Variants in CREB3L1 observed in about 807,000 individuals in gnomAD.
CREB3L1 encodes cyclic AMP-responsive element-binding protein 3-like protein 1.
A neutral mutation model predicts 54.5 loss-of-function variants in CREB3L1; 33 were observed. That is an observed-to-expected ratio of 0.61 (90% confidence interval 0.46 to 0.81). The LOEUF (loss-of-function observed/expected upper bound fraction) is 0.81. Among genes scored for constraint, CREB3L1 ranks in the 30% least tolerant of loss-of-function variants. CREB3L1 has a pLI of 0.00. For synonymous variants in CREB3L1, 284 were observed against 286.4 expected, an observed-to-expected ratio of 0.99 and a Z score of 0.08; for missense variants, 656 against 673.3, an observed-to-expected ratio of 0.97 and a Z score of 0.29.
chr11:46,279,171 G>A (rs12280680), intron 1 of CREB3L1, among the ~76,000 whole-genome samples: 76,057 of 151,934 alleles, frequency 0.5, 19,613 homozygotes, highest in Middle Eastern at 0.6. Flanking sequence ...CTGTTCACAC[G>A]CCACACACAC....
chr11:46,299,860 C>A, intron 1 of CREB3L1, 75 bp from the exon 2 acceptor site: 1 of 1,067,016 alleles, frequency 9.4e-7, no homozygotes, highest in Non-Finnish European at 1.4e-6. Flanking sequence ...GGGTGCTGCA[C>A]CACCACAGTA....
chr11:46,320,764 G>A lies in CREB3L1; in HGVS notation c.*18G>A, dbSNP rs1182376027. On this transcript the variant is annotated 3_prime_UTR_variant, in exon 12 of 12. Coordinates refer to ENST00000621158, the MANE Select transcript of CREB3L1 (RefSeq NM_052854.4). ...TCTCCTAGGCCATGCCAAGACCCAG[G>A]ACATAGGACGGACCCCTGGTACCCA... 6.2e-7 allele frequency: 1 copy of A among 1,610,710 alleles called. No individual in the cohort carries two copies. Among genetic ancestry groups the A allele is most frequent in the Non-Finnish European group, 8.5e-7 (1 of 1,178,706 alleles).
chr11:46,302,985 A>G (rs1939326274), intron 2 of CREB3L1, among the ~76,000 whole-genome samples: 1 of 152,216 alleles, frequency 6.6e-6, no homozygotes, highest in Non-Finnish European at 1.5e-5. Context: ...TGTCTCAAAA[A>G]AAAATAAAAA....
rs766243542 is a variant in CREB3L1, at chr11:46,316,403, C to A, written c.1131+18C>A. On this transcript the variant is annotated intron_variant, in intron 9 of 11. Coordinates refer to ENST00000621158, the MANE Select transcript of CREB3L1 (RefSeq NM_052854.4). The stretch of plus-strand genomic sequence containing the variant: ...GCCTCATGGTAGGTGTGGCTCCCTC[C>A]ACCACAGACCCACAGGAGGAGAGTT... The A allele has an allele frequency of 4.1e-6, 6 of 1,457,170 alleles. No individual in the cohort carries two copies. The highest frequency in any genetic ancestry group is 4.7e-6 in the Non-Finnish European group (5 of 1,060,110). 90.3% of individuals were successfully genotyped at this position (1,457,170 alleles called of 1,614,324 possible). A position where few individuals can be genotyped will look rare whatever the true frequency, so the allele number is the denominator to read the frequency against.
chr11:46,317,155 G>C (rs1939579056), intron 9 of CREB3L1, among the ~76,000 whole-genome samples: 1 of 152,196 alleles, frequency 6.6e-6, no homozygotes, highest in Non-Finnish European at 1.5e-5. Flanking sequence ...CCCTACAATG[G>C]GCTGGGATGG....
chr11:46,293,436 G>C (rs1939159287), intron 1 of CREB3L1, among the ~76,000 whole-genome samples: 1 of 152,236 alleles, frequency 6.6e-6, no homozygotes. Context: ...AAATGAGGAA[G>C]CTATGGCCTG....
At chr11:46,294,765 G>T (rs970458844) in intron 1 of CREB3L1, among the ~76,000 whole-genome samples, 1 of 152,090 alleles carries the variant, frequency 6.6e-6, no homozygotes, top group African/African-American at 2.4e-5. Context: ...TCAGACTGAA[G>T]GCCCTTCAGC....
chr11:46,314,937 A>C (rs1220770529), intron 8 of CREB3L1, among the ~76,000 whole-genome samples: 1 of 151,848 alleles, frequency 6.6e-6, no homozygotes, highest in Non-Finnish European at 1.5e-5. Context: ...TGAACTCTTG[A>C]CTTCATGTAA....
intron 1 of CREB3L1, among the ~76,000 whole-genome samples, chr11:46,285,458 TG>T (rs1939041939): frequency 6.6e-6 from 1 of 152,170 alleles, no homozygotes; most frequent in Non-Finnish European, 1.5e-5. Context: ...TGGGATTGTC[TG>T]GTTCAGGAGA....
At chr11:46,313,919 C>T (rs1049826365) in intron 8 of CREB3L1, among the ~76,000 whole-genome samples, 14 of 152,096 alleles carry the variant, frequency 9.2e-5, no homozygotes, top group Admixed American at 4.6e-4. Flanking sequence ...CCTGTTTCTT[C>T]GTCTAAATGG....
intron 1 of CREB3L1, among the ~76,000 whole-genome samples, chr11:46,294,283 C>T (rs1458616732): frequency 1.3e-5 from 2 of 152,130 alleles, no homozygotes; most frequent in African/African-American, 4.8e-5. Context: ...GTCAGAACAA[C>T]GTGCTCCCTT....
chr11:46,318,197 G>A (rs1373291252), intron 10 of CREB3L1, among the ~76,000 whole-genome samples: 1 of 147,286 alleles, frequency 6.8e-6, no homozygotes. Flanking sequence ...CAGCCTGGGT[G>A]ACAGAGTGAG....
rs1189814367 is a variant in CREB3L1 at position 46,309,842 on chromosome 11, C to G, written c.517-147C>G. The G allele has an allele frequency of 6.4e-6, 4 of 628,514 alleles. No homozygotes were observed. The African/African-American group carries it at 7.3e-5, about 12-fold the overall frequency. 38.9% of individuals were successfully genotyped at this position (628,514 alleles called of 1,614,324 possible). Reference sequence around the variant, plus strand: ...TTAAGCTCAAGAGCTTGCCTCTGTTCCCTTGCAGCTGTGCCCAGAACTCCA... The same window carrying G: ...TTAAGCTCAAGAGCTTGCCTCTGTTGCCTTGCAGCTGTGCCCAGAACTCCA... On this transcript the variant is annotated intron_variant, in intron 3 of 11. Transcript: ENST00000621158.
rs987592176 is a variant in CREB3L1, at chr11:46,304,412, G to A, written c.332-3404G>A. 5.9e-5 allele frequency among the ~76,000 whole-genome samples: 9 copies of A among 152,228 alleles called. No homozygotes were observed. The East Asian group carries it at 1.5e-3, about 26-fold the overall frequency. On this transcript the variant is annotated intron_variant, in intron 2 of 11. Coordinates refer to ENST00000621158, the MANE Select transcript of CREB3L1 (RefSeq NM_052854.4). ...GGTGAACCCGGGAGGCAGAGGTTGC[G>A]GTGAACTGAGATCGCACCATTGCAC...
intron 1 of CREB3L1, among the ~76,000 whole-genome samples, chr11:46,281,026 C>T (rs1243119065): frequency 6.6e-6 from 1 of 152,232 alleles, no homozygotes; most frequent in East Asian, 1.9e-4. Context: ...TGCACTTGGA[C>T]AGACAGGAGA....
At position 46,317,436 on chromosome 11, in the gene CREB3L1, A is replaced by T; in HGVS notation, c.1207A>T (p.Thr403Ser). The T allele has an allele frequency of 6.2e-7, 1 of 1,613,430 alleles. No individual in the cohort carries two copies. The highest frequency in any genetic ancestry group is 8.5e-7 in the Non-Finnish European group (1 of 1,179,864). Residue 403 changes from threonine to serine, a missense_variant, in exon 10 of 12, where the codon ACT (threonine) becomes TCT (serine). Thr to Ser is a moderately conservative substitution (Grantham distance 58, BLOSUM62 1). Transcript: ENST00000621158. ...CLPEFSSGSQ[T>S]VKEDPLAADG... ...TCCCGAGTTCTCCTCCGGCTCCCAG[A>T]CTGTGAAGGAAGACCCCCTGGCCGC... is the stretch of plus-strand genomic sequence containing the variant.
At chr11:46,289,607 T>C (rs914110411) in intron 1 of CREB3L1, among the ~76,000 whole-genome samples, 1 of 151,968 alleles carries the variant, frequency 6.6e-6, no homozygotes, top group Non-Finnish European at 1.5e-5. Flanking sequence ...CCTTAAAGGA[T>C]AGGAAGAGTT....
At chr11:46,288,377 C>T (rs767293037) in intron 1 of CREB3L1, among the ~76,000 whole-genome samples, 18 of 152,308 alleles carry the variant, frequency 1.2e-4, no homozygotes, top group South Asian at 4.1e-4. Flanking sequence ...CCACCGCACA[C>T]GGCCCTCTTA....
chr11:46,318,282 G>T (rs1209134710), intron 10 of CREB3L1, among the ~76,000 whole-genome samples: 1 of 152,140 alleles, frequency 6.6e-6, no homozygotes, highest in African/African-American at 2.4e-5. Context: ...ATGATCCACT[G>T]ATAATGTCTA....
Sources: gnomAD v4.1 joint callset for allele counts (sites outside exome capture counted in the v4.1 genomes callset) on GRCh38, gnomAD v4.1.1 for gene constraint, MANE v1.5 for transcripts, NCBI Gene and HGNC (gene_info 2026-07-23, HGNC 2026-07-21) for gene names.